The following RNASET2 variants were observed in gnomAD, a reference collection of about 807,000 sequenced individuals.
The protein encoded by RNASET2 is ribonuclease T2.
A neutral mutation model predicts 33.9 loss-of-function variants in RNASET2; 28 were observed. The observed-to-expected ratio is 0.83, with a 90% CI of 0.61 to 1.13. The LOEUF (loss-of-function observed/expected upper bound fraction) is 1.13. Ranked by LOEUF, RNASET2 falls within the 50% of genes most tolerant of loss-of-function variation. RNASET2 has a pLI of 0.00. For missense variants in RNASET2, 330 were observed against 319.9 expected (o/e 1.03, Z -0.24); for synonymous variants, 123 against 121.0 (o/e 1.02, Z -0.11).
At chr6:166,947,744 A>G (rs1048867124) in intron 3 of RNASET2, among the ~76,000 whole-genome samples, 1 of 152,228 alleles carries the variant, frequency 6.6e-6, no homozygotes, top group South Asian at 2.1e-4. Context: ...GGAGGCACCA[A>G]TTAAGCTAAA....
intron 1 of RNASET2, among the ~76,000 whole-genome samples, chr6:166,955,185 A>ACACGCACACACACGCACACACG (rs1779080614): frequency 4.4e-5 from 5 of 113,452 alleles, no homozygotes; most frequent in African/African-American, 2.0e-4. Context: ...CCACACACAC[A>ACACGCACACACACGCACACACG]CACGCACACA....
intron 1 of RNASET2, chr6:166,955,580 T>A: frequency 1.0e-6 from 1 of 991,110 alleles, no homozygotes; most frequent in Non-Finnish European, 1.2e-6. Flanking sequence ...GGAACAGTGC[T>A]CCACCAAGCC....
At position 166,925,903 on chromosome 6, in the gene RNASET2, C is replaced by G. The variant is rs568749397; in HGVS notation, c.*3685G>C. Among the ~76,000 whole-genome samples the G allele has an allele frequency of 6.6e-6, 1 of 152,176 alleles. No individual in the cohort carries two copies. The highest frequency in any genetic ancestry group is 1.5e-5 in the Non-Finnish European group (1 of 68,028). ...GGGGAGTGGGTGGAGGCACTGCCAA[C>G]AGGGCAGGAGGGATTGAGGGAATGT... On this transcript the variant is annotated 3_prime_UTR_variant, in exon 9 of 9. Coordinates refer to ENST00000508775, the MANE Select transcript of RNASET2 (RefSeq NM_003730.6).
chr6:166,946,678 A>C lies in RNASET2; in HGVS notation c.261+4T>G. ...GCAGTAGAAATATAATTAAAAGTCA[A>C]TACCTTAATCTCTTCTAAATTGAAG... On this transcript the variant is annotated splice_donor_region_variant and intron_variant, in intron 4 of 8. Coordinates refer to ENST00000508775, the MANE Select transcript of RNASET2 (RefSeq NM_003730.6). 1.3e-6 allele frequency: 2 copies of C among 1,487,970 alleles called. No homozygotes were observed. The highest frequency in any genetic ancestry group is 2.3e-5 in the East Asian group (1 of 43,188). 92.2% of individuals were successfully genotyped at this position (1,487,970 alleles called of 1,614,324 possible).
At chr6:166,955,239 GCACACACACGCACACACGCACACA>G (rs1779095169) in intron 1 of RNASET2, among the ~76,000 whole-genome samples, 1 of 66,260 alleles carries the variant, frequency 1.5e-5, no homozygotes, top group Non-Finnish European at 2.7e-5. Context: ...ACGCACGCAC[GCACACACACGCACACACGCACACA>G]CACACACGCG....
rs1444588870 is a variant in RNASET2, at chr6:166,924,120, G to A, written c.*5468C>T. Among the ~76,000 whole-genome samples the A allele has an allele frequency of 6.6e-6, 1 of 152,012 alleles. No individual in the cohort carries two copies. The highest frequency in any genetic ancestry group is 1.5e-5 in the Non-Finnish European group (1 of 68,020). ...TTCTCTTTTTTTCTTTTTTTGAAACGGAGTCTTGCTCTGTCATCCAGACTG... is the reference window on the plus strand; with the variant it reads ...TTCTCTTTTTTTCTTTTTTTGAAACAGAGTCTTGCTCTGTCATCCAGACTG... On this transcript the variant is annotated 3_prime_UTR_variant, in exon 9 of 9. Coordinates refer to ENST00000508775, the MANE Select transcript of RNASET2 (RefSeq NM_003730.6).
chr6:166,938,258 C>T (rs946913058), intron 6 of RNASET2, among the ~76,000 whole-genome samples: 1 of 151,942 alleles, frequency 6.6e-6, no homozygotes, highest in African/African-American at 2.4e-5. Context: ...TGAAACGTCC[C>T]GACGGAGAGG....
chr6:166,942,267 G>C (rs754620413), intron 5 of RNASET2, among the ~76,000 whole-genome samples: 16 of 152,192 alleles, frequency 1.1e-4, no homozygotes, highest in East Asian at 3.9e-4. Flanking sequence ...TGGCCAGGCT[G>C]GTCTCGAACT....
rs1407218164 is a variant in RNASET2, at chr6:166,928,545, T to C, written c.*1043A>G. On this transcript the variant is annotated 3_prime_UTR_variant, in exon 9 of 9. Transcript: ENST00000508775. The stretch of plus-strand genomic sequence containing the variant: ...GCCTGGCACATAGTAAGTTCTATTT[T>C]AAATGTATATTGAATAAAACATAAA... 6.6e-6 allele frequency among the ~76,000 whole-genome samples: 1 copy of C among 152,162 alleles called. No homozygotes were observed. Among genetic ancestry groups the C allele is most frequent in the Non-Finnish European group, 1.5e-5 (1 of 68,024 alleles).
In RNASET2 at chr6:166,934,468, C is replaced by A. The variant is rs145934320; in HGVS notation, c.447-332G>T. Reference sequence around the variant, plus strand: ...TTGCCACACCTGCTTTAAAAGACAGCAATTGAAATCGGATTCCAGGCTTAT... The same window carrying A: ...TTGCCACACCTGCTTTAAAAGACAGAAATTGAAATCGGATTCCAGGCTTAT... On this transcript the variant is annotated intron_variant, in intron 6 of 8. Coordinates refer to ENST00000508775, the MANE Select transcript of RNASET2 (RefSeq NM_003730.6). The A allele has an allele frequency of 3.7e-3, 1,123 of 306,354 alleles. 11 individuals carry two copies. Among genetic ancestry groups the A allele is most frequent in the African/African-American group, 0.023 (1,071 of 46,480 alleles). 19.0% of individuals were successfully genotyped at this position (306,354 alleles called of 1,614,324 possible).
rs748746754 is a variant in RNASET2, at chr6:166,929,564, C to A, written c.*24G>T. ...TGTGAATTTCTCTTGCTTTTTAAAA[C>A]AGAATATTTCCAAAACTTGGGCATC... On this transcript the variant is annotated 3_prime_UTR_variant, in exon 9 of 9. Transcript: ENST00000508775. 3 of 1,609,344 alleles carry A rather than the reference C, an allele frequency of 1.9e-6. No individual in the cohort carries two copies. The East Asian group carries it at 6.7e-5, about 36-fold the overall frequency.
At position 166,952,542 on chromosome 6, in the gene RNASET2, G is replaced by T. The variant is rs768898749; in HGVS notation, c.93C>A (p.Asn31Lys). The change falls in exon 2 of 9, where the codon AAC (asparagine) becomes AAA (lysine). Residue 31 changes from asparagine to lysine, a missense_variant. Physicochemically the swap from Asn to Lys is moderately conservative, Grantham distance 94. Coordinates refer to ENST00000508775, the MANE Select transcript of RNASET2 (RefSeq NM_003730.6). ...CCATAATTAGTTTTTTCCACTCATG[G>T]TTGTCACTGTTAAAACATAAGAAAC... ...LGGADKRLRD[N>K]HEWKKLIMVQ... is the part of the protein sequence containing the mutation. 1.2e-6 allele frequency: 2 copies of T among 1,612,134 alleles called. No individual in the cohort carries two copies. Among genetic ancestry groups the T allele is most frequent in the East Asian group, 4.5e-5 (2 of 44,872 alleles).
At position 166,922,915 on chromosome 6, in the gene RNASET2, C is replaced by G. The variant is rs1020655300; in HGVS notation, c.*6673G>C. ...TGTCTTTGCTGGTAAAAATGGGCCA[C>G]TGTCACTCTGCAGACTTTTCTCAGT... On this transcript the variant is annotated 3_prime_UTR_variant, in exon 9 of 9. Coordinates refer to ENST00000508775, the MANE Select transcript of RNASET2 (RefSeq NM_003730.6). 6.6e-6 allele frequency among the ~76,000 whole-genome samples: 1 copy of G among 152,202 alleles called. No individual in the cohort carries two copies. Among genetic ancestry groups the G allele is most frequent in the Non-Finnish European group, 1.5e-5 (1 of 68,032 alleles).
intron 8 of RNASET2, among the ~76,000 whole-genome samples, chr6:166,930,271 C>T (rs954350351): frequency 3.3e-5 from 5 of 152,246 alleles, no homozygotes; most frequent in Admixed American, 2.6e-4. Flanking sequence ...TGTCAAGAAA[C>T]CATGCTTGCT....
chr6:166,955,963 C>A, intron 1 of RNASET2, 134 bp downstream of exon 1: 1 of 1,100,062 alleles, frequency 9.1e-7, no homozygotes, highest in Non-Finnish European at 1.3e-6. Flanking sequence ...GGAGCGTGCT[C>A]GGCTCCCCCC....
chr6:166,941,734 C>T (rs953099362), intron 5 of RNASET2, among the ~76,000 whole-genome samples: 1 of 152,118 alleles, frequency 6.6e-6, no homozygotes, highest in African/African-American at 2.4e-5. Context: ...AAATTATACA[C>T]AAAAATATTT....
At chr6:166,936,456 G>C (rs1778571492) in intron 6 of RNASET2, among the ~76,000 whole-genome samples, 1 of 152,178 alleles carries the variant, frequency 6.6e-6, no homozygotes, top group African/African-American at 2.4e-5. Flanking sequence ...TGGCTCAGGG[G>C]TCTGCAGGCT....
chr6:166,955,324 C>T (rs1281437498), intron 1 of RNASET2, among the ~76,000 whole-genome samples: 3 of 71,124 alleles, frequency 4.2e-5, no homozygotes, highest in African/African-American at 2.2e-4. Context: ...CACGCACACA[C>T]ACGCACGCAC....
rs1378154639 is a variant in RNASET2, at chr6:166,922,906, A to G, written c.*6682T>C. Among the ~76,000 whole-genome samples the G allele has an allele frequency of 1.3e-5, 2 of 152,202 alleles. No individual in the cohort carries two copies. The highest frequency in any genetic ancestry group is 2.9e-5 in the Non-Finnish European group (2 of 68,024). On this transcript the variant is annotated 3_prime_UTR_variant, in exon 9 of 9. Transcript: ENST00000508775. ...CAGGTTCAATGTCTTTGCTGGTAAA[A>G]ATGGGCCACTGTCACTCTGCAGACT...
Sources: gnomAD v4.1 joint callset for allele counts (sites outside exome capture counted in the v4.1 genomes callset) on GRCh38, gnomAD v4.1.1 for gene constraint, MANE v1.5 for transcripts, NCBI Gene and HGNC (gene_info 2026-07-23, HGNC 2026-07-21) for gene names.